Variants in ARHGAP15 observed in about 807,000 individuals in gnomAD.
ARHGAP15 encodes the protein rho GTPase-activating protein 15.
Under a neutral mutation model 63.7 loss-of-function variants are expected in ARHGAP15, and 51 were observed. The observed-to-expected ratio is 0.80, with a 90% CI of 0.64 to 1.01. The LOEUF is 1.01. ARHGAP15 is among the 50% of genes least tolerant of loss of function. ARHGAP15 has a pLI of 0.00. For synonymous variants in ARHGAP15, 191 were observed against 193.8 expected (o/e 0.99, Z 0.12); for missense variants, 560 against 564.6 (o/e 0.99, Z 0.08).
chr2:143,251,595 T>C (rs1680160524), intron 6 of ARHGAP15, among the ~76,000 whole-genome samples: 1 of 152,060 alleles, frequency 6.6e-6, no homozygotes, highest in Non-Finnish European at 1.5e-5. Context: ...TAAAATATTT[T>C]AACACATTCT....
At chr2:143,407,531 GCAA>G (rs1688250655) in intron 6 of ARHGAP15, among the ~76,000 whole-genome samples, 1 of 151,714 alleles carries the variant, frequency 6.6e-6, no homozygotes, top group Non-Finnish European at 1.5e-5. Context: ...GAAAACAACA[GCAA>G]CAACAACAAA....
intron 8 of ARHGAP15, among the ~76,000 whole-genome samples, chr2:143,483,934 C>T (rs922915539): frequency 6.6e-5 from 10 of 152,136 alleles, no homozygotes; most frequent in African/African-American, 2.4e-4. Context: ...ATTATAATTA[C>T]ACAGGCCAGA....
rs116275411 is a variant in ARHGAP15 at position 143,438,379 on chromosome 2, C to G, written c.703+1337C>G. ...ACATACATGCACACAAAGACTCATA[C>G]ACATATGATAGGGAAGAGAGAAGCT... On this transcript the variant is annotated intron_variant, in intron 8 of 13. Coordinates refer to ENST00000295095, the MANE Select transcript of ARHGAP15 (RefSeq NM_018460.4). 5.0e-3 allele frequency among the ~76,000 whole-genome samples: 759 copies of G among 152,178 alleles called. 10 individuals carry two copies. Among genetic ancestry groups the G allele is most frequent in the African/African-American group, 0.017 (725 of 41,522 alleles).
At chr2:143,654,224 G>A (rs1681317040) in intron 12 of ARHGAP15, among the ~76,000 whole-genome samples, 1 of 152,144 alleles carries the variant, frequency 6.6e-6, no homozygotes, top group Admixed American at 6.5e-5. Flanking sequence ...TTGTTGGAGT[G>A]TGGTGCCATT....
chr2:143,636,235 T>C (rs553394270), intron 12 of ARHGAP15, among the ~76,000 whole-genome samples: 6 of 152,264 alleles, frequency 3.9e-5, no homozygotes, highest in African/African-American at 1.4e-4. Context: ...CAACAATCTT[T>C]TAAGCTTTTC....
chr2:143,277,645 T>TG (rs890865753), intron 6 of ARHGAP15, among the ~76,000 whole-genome samples: 1 of 151,942 alleles, frequency 6.6e-6, no homozygotes, highest in Non-Finnish European at 1.5e-5. Flanking sequence ...CATGGTGCAA[T>TG]GGGGTCACAA....
At chr2:143,200,930 G>A (rs1162804671) in intron 2 of ARHGAP15, among the ~76,000 whole-genome samples, 1 of 151,922 alleles carries the variant, frequency 6.6e-6, no homozygotes, top group African/African-American at 2.4e-5. Context: ...AAATCACCTT[G>A]AAACATAGAG....
chr2:143,435,134 A>T, intron 6 of ARHGAP15: 1 of 326,206 alleles, frequency 3.1e-6, no homozygotes, highest in African/African-American at 2.2e-5. Flanking sequence ...GTCTGCAATT[A>T]GTGTTTTTGG....
intron 6 of ARHGAP15, among the ~76,000 whole-genome samples, chr2:143,303,971 T>C (rs923488079): frequency 1.3e-5 from 2 of 152,108 alleles, no homozygotes; most frequent in Non-Finnish European, 2.9e-5. Flanking sequence ...CTGGAGAGGA[T>C]GTGGAGAACT....
At chr2:143,341,220 T>C (rs1685044544) in intron 6 of ARHGAP15, among the ~76,000 whole-genome samples, 2 of 152,138 alleles carry the variant, frequency 1.3e-5, no homozygotes, top group South Asian at 2.1e-4. Context: ...ATGAACCACA[T>C]CCCCTTTTTC....
chr2:143,745,256 A>G (rs1449659362), intron 13 of ARHGAP15, among the ~76,000 whole-genome samples: 1 of 152,334 alleles, frequency 6.6e-6, no homozygotes, highest in East Asian at 1.9e-4. Context: ...CATACATGCC[A>G]CCATTCCCCA....
At chr2:143,490,020 G>A (rs1170506221) in intron 9 of ARHGAP15, among the ~76,000 whole-genome samples, 1 of 152,088 alleles carries the variant, frequency 6.6e-6, no homozygotes, top group Non-Finnish European at 1.5e-5. Flanking sequence ...TTTGTTTTGT[G>A]ATGGAGTCTC....
chr2:143,749,752 CTAT>C (rs1686300225), intron 13 of ARHGAP15, among the ~76,000 whole-genome samples: 1 of 152,140 alleles, frequency 6.6e-6, no homozygotes, highest in African/African-American at 2.4e-5. Flanking sequence ...CCTTTTATCT[CTAT>C]TATTATATTT....
At chr2:143,353,401 A>C (rs1386429427) in intron 6 of ARHGAP15, among the ~76,000 whole-genome samples, 6 of 152,232 alleles carry the variant, frequency 3.9e-5, no homozygotes. Flanking sequence ...CTTTTTTAGC[A>C]AAGTGGGAAA....
At chr2:143,375,533 C>G (rs1433960381) in intron 6 of ARHGAP15, among the ~76,000 whole-genome samples, 10 of 152,134 alleles carry the variant, frequency 6.6e-5, no homozygotes, top group Non-Finnish European at 1.3e-4. Flanking sequence ...AACTGTGCGG[C>G]TCACTCAGCT....
intron 6 of ARHGAP15, among the ~76,000 whole-genome samples, chr2:143,337,021 AG>A (rs1684802402): frequency 6.6e-6 from 1 of 151,912 alleles, no homozygotes; most frequent in Non-Finnish European, 1.5e-5. Flanking sequence ...AGGAGGTGGA[AG>A]GGGGTGGGAG....
rs537526720 is a variant in ARHGAP15 at position 143,446,634 on chromosome 2, CT to C, written c.703+9604del. Among the ~76,000 whole-genome samples, 147 of 145,322 alleles carry C rather than the reference CT, an allele frequency of 1.0e-3. 1 individual carries two copies. Among genetic ancestry groups the C allele is most frequent in the Middle Eastern group, 3.5e-3 (1 of 284 alleles). On this transcript the variant is annotated intron_variant, in intron 8 of 13. Coordinates refer to ENST00000295095, the MANE Select transcript of ARHGAP15 (RefSeq NM_018460.4). ...TCAAGTGTCTGTTGCCATTTCCATT[CT>C]TTTTTTTTTTTATTTAAGTTTTAGG... is the stretch of plus-strand genomic sequence containing the variant.
At chr2:143,265,221 ATTT>A (rs55917586) in intron 6 of ARHGAP15, among the ~76,000 whole-genome samples, 2,117 of 146,714 alleles carry the variant, frequency 0.014, 23 homozygotes, top group Non-Finnish European at 0.022. Flanking sequence ...TATATCTGTG[ATTT>A]TTTTTTTTTT....
intron 9 of ARHGAP15, among the ~76,000 whole-genome samples, chr2:143,489,830 A>G (rs1692499217): frequency 1.3e-5 from 2 of 152,164 alleles, no homozygotes; most frequent in Non-Finnish European, 2.9e-5. Context: ...TGGCCAGATA[A>G]TCTATATCAT....
Sources: allele counts gnomAD v4.1 joint callset (sites outside exome capture counted in the v4.1 genomes callset), GRCh38; gene constraint gnomAD v4.1.1; transcripts MANE v1.5; gene names NCBI Gene and HGNC (gene_info 2026-07-23, HGNC 2026-07-21).